The following IL1RAPL1 variants were observed in gnomAD, a reference collection of about 807,000 sequenced individuals.
IL1RAPL1 encodes the protein interleukin-1 receptor accessory protein-like 1.
A neutral mutation model predicts 48.4 loss-of-function variants in IL1RAPL1; 3 were observed. The observed-to-expected ratio is 0.06, with a 90% confidence interval of 0.03 to 0.16. IL1RAPL1 has a LOEUF of 0.16. Among genes scored for constraint, IL1RAPL1 ranks in the 10% least tolerant of loss-of-function variants. The pLI is 1.00. For missense variants in IL1RAPL1, 349 were observed against 530.6 expected, an observed-to-expected ratio of 0.66 and a Z score of 3.36; for synonymous variants, 185 against 187.7, an observed-to-expected ratio of 0.99 and a Z score of 0.12.
At chrX:29,375,243 C>G (rs1357838258) in intron 3 of IL1RAPL1, among the ~76,000 whole-genome samples, 7 of 98,007 alleles carry the variant, frequency 7.1e-5, no homozygotes, top group African/African-American at 2.6e-4. Context: ...CTAACTGCAA[C>G]CTCCGCCTCC....
intron 1 of IL1RAPL1, among the ~76,000 whole-genome samples, chrX:28,716,334 A>G (rs1251568594): frequency 9.0e-6 from 1 of 111,437 alleles, no homozygotes; most frequent in Non-Finnish European, 1.9e-5. Context: ...TGGCCAGGGT[A>G]GTCAGGCAAG....
chrX:28,731,410 A>T (rs764494896), intron 1 of IL1RAPL1, among the ~76,000 whole-genome samples: 2 of 111,746 alleles, frequency 1.8e-5, no homozygotes, highest in Non-Finnish European at 3.8e-5. Context: ...TTTTGTTGCC[A>T]TGATAACTTC....
At chrX:29,577,339 C>T (rs1922810098) in intron 5 of IL1RAPL1, among the ~76,000 whole-genome samples, 1 of 111,368 alleles carries the variant, frequency 9.0e-6, no homozygotes, top group African/African-American at 3.3e-5. Context: ...CAATATTTAG[C>T]AATCCTCCAT....
intron 2 of IL1RAPL1, among the ~76,000 whole-genome samples, chrX:29,005,284 A>G (rs772706431): frequency 3.6e-5 from 4 of 112,268 alleles, no homozygotes; most frequent in Non-Finnish European, 7.5e-5. Context: ...AGGTTTGACA[A>G]TGATAAGGAG....
rs5971802 is a variant in IL1RAPL1, at chrX:29,805,825, A to G, written c.779-111639A>G. 3.8e-3 allele frequency among the ~76,000 whole-genome samples: 418 copies of G among 110,778 alleles called. 2 individuals carry two copies. Among genetic ancestry groups the G allele is most frequent in the African/African-American group, 0.013 (395 of 30,678 alleles). ...ATGAGAAAAGAAGACAAGGAAACTC[A>G]AGTACAGCTAGCGATATAAAAGCTG... is the stretch of plus-strand genomic sequence containing the variant. On this transcript the variant is annotated intron_variant, in intron 6 of 10. Coordinates refer to ENST00000378993, the MANE Select transcript of IL1RAPL1 (RefSeq NM_014271.4).
At chrX:29,642,213 T>C (rs1470285671) in intron 5 of IL1RAPL1, among the ~76,000 whole-genome samples, 2 of 112,450 alleles carry the variant, frequency 1.8e-5, no homozygotes, top group African/African-American at 6.5e-5. Flanking sequence ...CTCCTTGTCT[T>C]ATATTTCAAT....
At chrX:29,300,641 C>T (rs1265693691) in intron 3 of IL1RAPL1, among the ~76,000 whole-genome samples, 1 of 111,930 alleles carries the variant, frequency 8.9e-6, no homozygotes, top group Non-Finnish European at 1.9e-5. Context: ...CAATACTGTG[C>T]AGAATAACAG....
chrX:29,488,562 G>A lies in IL1RAPL1; in HGVS notation c.703+89254G>A, dbSNP rs1483695928. Among the ~76,000 whole-genome samples, 4 of 112,138 alleles carry A rather than the reference G, an allele frequency of 3.6e-5. No individual in the cohort carries two copies. The South Asian group carries it at 1.5e-3, about 42-fold the overall frequency. On this transcript the variant is annotated intron_variant, in intron 5 of 10. Transcript: ENST00000378993. ...AAAATTGACAAGACAGATCTTAAATGTTCTCACCACAAACATAACTATGAG... is the reference window on the plus strand; with the variant it reads ...AAAATTGACAAGACAGATCTTAAATATTCTCACCACAAACATAACTATGAG...
intron 2 of IL1RAPL1, among the ~76,000 whole-genome samples, chrX:29,267,334 G>C (rs747035343): frequency 4.5e-5 from 5 of 112,206 alleles, no homozygotes; most frequent in Non-Finnish European, 7.5e-5. Flanking sequence ...CACTATGAGA[G>C]TGATGTACAT....
intron 1 of IL1RAPL1, among the ~76,000 whole-genome samples, chrX:28,749,695 T>A (rs1028274204): frequency 9.0e-6 from 1 of 111,661 alleles, no homozygotes; most frequent in African/African-American, 3.3e-5. Context: ...CCTCCCATTT[T>A]GTAGGTTGTC....
chrX:28,597,549 T>A (rs1933968479), intron 1 of IL1RAPL1, among the ~76,000 whole-genome samples: 1 of 110,809 alleles, frequency 9.0e-6, no homozygotes, highest in African/African-American at 3.3e-5. Flanking sequence ...CTGACCAGCA[T>A]GGTGAAACCC....
intron 2 of IL1RAPL1, among the ~76,000 whole-genome samples, chrX:29,152,802 G>A (rs1929493509): frequency 8.9e-6 from 1 of 112,191 alleles, no homozygotes; most frequent in African/African-American, 3.2e-5. Context: ...TAATAGCAAT[G>A]AATTTGTTCA....
intron 2 of IL1RAPL1, among the ~76,000 whole-genome samples, chrX:28,896,565 G>A (rs775629462): frequency 5.4e-5 from 6 of 111,126 alleles, no homozygotes; most frequent in Admixed American, 9.6e-5. Context: ...GGCTAGTCTC[G>A]GAACAAAACT....
intron 3 of IL1RAPL1, among the ~76,000 whole-genome samples, chrX:29,334,633 A>G (rs368218268): frequency 0.02 from 2,004 of 100,990 alleles, no homozygotes; most frequent in East Asian, 0.1. Flanking sequence ...CTCACCTCCC[A>G]GACAGGGTTG....
intron 2 of IL1RAPL1, among the ~76,000 whole-genome samples, chrX:29,052,270 G>A (rs184154365): frequency 3.4e-4 from 38 of 111,039 alleles, no homozygotes; most frequent in African/African-American, 9.8e-4. Context: ...TACTCCTAGG[G>A]AAAATCTTGG....
chrX:29,240,215 TATA>T lies in IL1RAPL1; in HGVS notation c.83-42722_83-42720del, dbSNP rs1318612567. On this transcript the variant is annotated intron_variant, in intron 2 of 10. Coordinates refer to ENST00000378993, the MANE Select transcript of IL1RAPL1 (RefSeq NM_014271.4). ...ACACACATATATATATATATATATA[TATA>T]TATATATTTTTTTTTTTTTTTTTTT... is the stretch of plus-strand genomic sequence containing the variant. Among the ~76,000 whole-genome samples the T allele has an allele frequency of 5.6e-3, 155 of 27,515 alleles. 1 individual carries two copies. The highest frequency in any genetic ancestry group is 0.011 in the East Asian group (11 of 989). The allele number at this position is 27,515 out of a possible 115,157, so 23.9% of individuals were successfully genotyped here.
chrX:29,291,323 C>T (rs1278501897), intron 3 of IL1RAPL1, among the ~76,000 whole-genome samples: 1 of 111,891 alleles, frequency 8.9e-6, no homozygotes, highest in Non-Finnish European at 1.9e-5. Context: ...CAGTCACTGG[C>T]CCATGGCAAT....
intron 2 of IL1RAPL1, among the ~76,000 whole-genome samples, chrX:29,190,250 A>G (rs1269334153): frequency 8.9e-6 from 1 of 112,197 alleles, no homozygotes; most frequent in Non-Finnish European, 1.9e-5. Flanking sequence ...GTAGTTGAGA[A>G]TAGAGGATCA....
At chrX:29,470,453 T>C (rs1934908563) in intron 5 of IL1RAPL1, among the ~76,000 whole-genome samples, 1 of 111,259 alleles carries the variant, frequency 9.0e-6, no homozygotes, top group Admixed American at 9.6e-5. Context: ...CAATAGTTAT[T>C]GGACCATGAT....
Sources: gnomAD v4.1 joint callset for allele counts (sites outside exome capture counted in the v4.1 genomes callset) on GRCh38, gnomAD v4.1.1 for gene constraint, MANE v1.5 for transcripts, NCBI Gene and HGNC (gene_info 2026-07-23, HGNC 2026-07-21) for gene names.